TTC27: variants seen among roughly 807,000 people sequenced by gnomAD.
TTC27 encodes tetratricopeptide repeat domain 27.
TTC27 carries 79 observed loss-of-function variants against 115.9 expected under a neutral mutation model. The ratio of observed to expected loss-of-function variants is 0.68; its 90% CI spans 0.57 to 0.82. The LOEUF is 0.82. Among genes scored for constraint, TTC27 ranks in the 40% least tolerant of loss-of-function variants. The pLI, the probability that TTC27 is intolerant of heterozygous loss-of-function variation, is 0.00. For synonymous variants in TTC27, 401 were observed against 356.0 expected (o/e 1.13, Z -1.42); for missense variants, 1,054 against 993.1 (o/e 1.06, Z -0.82).
intron 16 of TTC27, among the ~76,000 whole-genome samples, chr2:32,810,129 A>G (rs1671269017): frequency 6.6e-6 from 1 of 151,720 alleles, no homozygotes; most frequent in Admixed American, 6.6e-5. Context: ...AAAAAAAAAA[A>G]ATGGTGAGCC....
chr2:32,798,712 AAAAT>A (rs1670809504), intron 16 of TTC27, among the ~76,000 whole-genome samples: 1 of 130,748 alleles, frequency 7.6e-6, no homozygotes, highest in African/African-American at 2.9e-5. Context: ...CTCAAAAAAA[AAAAT>A]AATAATAATA....
At chr2:32,649,819 C>T (rs1665019567) in intron 4 of TTC27, among the ~76,000 whole-genome samples, 1 of 151,964 alleles carries the variant, frequency 6.6e-6, no homozygotes, top group Non-Finnish European at 1.5e-5. Context: ...GTTGGGATTA[C>T]AGGTGTGAGC....
At chr2:32,651,064 G>T (rs151243312) in intron 5 of TTC27, among the ~76,000 whole-genome samples, 25 of 152,114 alleles carry the variant, frequency 1.6e-4, no homozygotes, top group Non-Finnish European at 3.1e-4. Context: ...ATATGTGAAC[G>T]TAAATGAACT....
At chr2:32,820,400 C>T (rs1266679417) in intron 19 of TTC27, among the ~76,000 whole-genome samples, 3 of 151,918 alleles carry the variant, frequency 2.0e-5, no homozygotes, top group Non-Finnish European at 2.9e-5. Flanking sequence ...GAGGCCTAAG[C>T]GAAATTAATT....
chr2:32,726,474 C>G (rs1037800992), intron 10 of TTC27, among the ~76,000 whole-genome samples: 1 of 152,206 alleles, frequency 6.6e-6, no homozygotes, highest in African/African-American at 2.4e-5. Flanking sequence ...TGTGCTAAAA[C>G]ATAACAAGAG....
intron 9 of TTC27, among the ~76,000 whole-genome samples, chr2:32,679,432 G>A (rs969605046): frequency 6.6e-6 from 1 of 152,152 alleles, no homozygotes; most frequent in African/African-American, 2.4e-5. Flanking sequence ...AGGAAAGCTG[G>A]AGTAATAGAT....
chr2:32,820,728 A>G lies in TTC27; in HGVS notation c.2410-88A>G, dbSNP rs573199915. ...TAATTGTATAGTATTATTATGCAAA[A>G]GGTTTTTTAACTCTATACTCTGTAT... On this transcript the variant is annotated intron_variant, in intron 19 of 19. Coordinates refer to ENST00000317907, the MANE Select transcript of TTC27 (RefSeq NM_017735.5). 57 of 1,231,850 alleles carry G rather than the reference A, an allele frequency of 4.6e-5. No individual in the cohort carries two copies. In the African/African-American group the frequency reaches 8.3e-4, roughly 18 times the overall value. 76.3% of individuals were successfully genotyped at this position (1,231,850 alleles called of 1,614,324 possible).
At position 32,758,523 on chromosome 2, in the gene TTC27, A is replaced by G; in HGVS notation, c.1680+4A>G. The G allele has an allele frequency of 6.2e-7, 1 of 1,613,606 alleles. No homozygotes were observed. The highest frequency in any genetic ancestry group is 2.2e-5 in the East Asian group (1 of 44,870). The stretch of plus-strand genomic sequence containing the variant: ...GGTTAAGATTAATCCCATGCAGGTT[A>G]GACAACTCATAACCCCCTGCTGCTC... On this transcript the variant is annotated splice_donor_region_variant and intron_variant, in intron 13 of 19. Coordinates refer to ENST00000317907, the MANE Select transcript of TTC27 (RefSeq NM_017735.5).
At chr2:32,809,643 C>T (rs1671249417) in intron 16 of TTC27, among the ~76,000 whole-genome samples, 1 of 152,180 alleles carries the variant, frequency 6.6e-6, no homozygotes, top group Non-Finnish European at 1.5e-5. Context: ...TGCTGTCCCA[C>T]CATCAAAGGA....
At chr2:32,664,086 T>C (rs1665668483) in intron 5 of TTC27, among the ~76,000 whole-genome samples, 1 of 152,134 alleles carries the variant, frequency 6.6e-6, no homozygotes, top group South Asian at 2.1e-4. Context: ...GGAGATAGTG[T>C]ACATAATGTC....
intron 12 of TTC27, among the ~76,000 whole-genome samples, chr2:32,755,432 A>C (rs1669196946): frequency 6.6e-6 from 1 of 152,158 alleles, no homozygotes; most frequent in Non-Finnish European, 1.5e-5. Flanking sequence ...AAAATACGAA[A>C]ACCAGACAGG....
intron 12 of TTC27, among the ~76,000 whole-genome samples, chr2:32,755,222 C>T (rs1398283387): frequency 6.6e-6 from 1 of 152,194 alleles, no homozygotes; most frequent in East Asian, 1.9e-4. Flanking sequence ...TTTGGGAGGC[C>T]AAGGCAGGCG....
chr2:32,767,004 T>G (rs1669651588), intron 13 of TTC27, among the ~76,000 whole-genome samples: 1 of 152,142 alleles, frequency 6.6e-6, no homozygotes, highest in East Asian at 1.9e-4. Flanking sequence ...CAGGCTTGTT[T>G]TGAACTCCTG....
chr2:32,681,649 C>CTTT (rs5830239), intron 9 of TTC27, among the ~76,000 whole-genome samples: 12 of 140,662 alleles, frequency 8.5e-5, no homozygotes, highest in South Asian at 2.2e-4. Flanking sequence ...AGATATTCAG[C>CTTT]TTTTTTTTTT....
chr2:32,770,052 G>C (rs1252430839), intron 13 of TTC27, among the ~76,000 whole-genome samples: 1 of 152,182 alleles, frequency 6.6e-6, no homozygotes, highest in East Asian at 1.9e-4. Flanking sequence ...TTGGGATTTG[G>C]ATAGGTGGAA....
intron 5 of TTC27, 60 bp from the exon 6 acceptor site, chr2:32,664,243 A>G: frequency 7.0e-7 from 1 of 1,437,130 alleles, no homozygotes; most frequent in Non-Finnish European, 9.5e-7. Context: ...ACTCTATTTT[A>G]CACATTAATA....
chr2:32,758,782 A>G (rs1191838350), intron 13 of TTC27, among the ~76,000 whole-genome samples: 1 of 152,142 alleles, frequency 6.6e-6, no homozygotes, highest in Non-Finnish European at 1.5e-5. Context: ...CTTAACTGAC[A>G]TACAACTATT....
intron 9 of TTC27, among the ~76,000 whole-genome samples, chr2:32,693,159 CTGT>C (rs1027019404): frequency 2.6e-5 from 4 of 152,044 alleles, no homozygotes; most frequent in Non-Finnish European, 5.9e-5. Flanking sequence ...TTTATTGTTT[CTGT>C]TGTTTTTTCG....
At chr2:32,670,987 A>G (rs942719938) in intron 7 of TTC27, among the ~76,000 whole-genome samples, 1 of 150,584 alleles carries the variant, frequency 6.6e-6, no homozygotes, top group African/African-American at 2.4e-5. Flanking sequence ...CATATTCTGG[A>G]TGCAAGTCCC....
Sources: allele counts gnomAD v4.1 joint callset (sites outside exome capture counted in the v4.1 genomes callset), GRCh38; gene constraint gnomAD v4.1.1; transcripts MANE v1.5; gene names NCBI Gene and HGNC (gene_info 2026-07-23, HGNC 2026-07-21).